PHF8: variants seen among roughly 807,000 people sequenced by gnomAD.
PHF8 encodes histone lysine demethylase PHF8.
A neutral mutation model predicts 74.4 loss-of-function variants in PHF8; 9 were observed. That is an observed-to-expected ratio of 0.12 (90% CI 0.07 to 0.21). PHF8 has a LOEUF of 0.21. PHF8 is among the 10% of genes least tolerant of loss of function. The pLI, the probability that PHF8 is intolerant of heterozygous loss-of-function variation, is 1.00. For missense variants in PHF8, 478 were observed against 816.6 expected (o/e 0.59, Z 5.05); for synonymous variants, 311 against 316.6 (o/e 0.98, Z 0.19).
In PHF8 at chrX:53,938,153, G is replaced by A. The variant is rs968141214; in HGVS notation, c.*1005C>T. On this transcript the variant is annotated 3_prime_UTR_variant, in exon 22 of 22. Coordinates refer to ENST00000338154, the MANE Select transcript of PHF8 (RefSeq NM_015107.3). ...GGAGAAAGAAGCATGAAAAGTTCCCGATGGAGGACCCAGGTGTGGGCCGTC... is the reference window on the plus strand; with the variant it reads ...GGAGAAAGAAGCATGAAAAGTTCCCAATGGAGGACCCAGGTGTGGGCCGTC... 8 of 1,127,165 alleles carry A rather than the reference G, an allele frequency of 7.1e-6. No homozygotes were observed. Among genetic ancestry groups the A allele is most frequent in the South Asian group, 2.1e-5 (1 of 46,634 alleles). The allele number at this position is 1,127,165 out of a possible 1,213,427, so 92.9% of individuals were successfully genotyped here.
At chrX:53,943,102 A>G in intron 20 of PHF8, 1 of 827,866 alleles carries the variant, frequency 1.2e-6, no homozygotes, top group Middle Eastern at 5.6e-4. Flanking sequence ...CTTAAAAGGC[A>G]CTAAGAGTAA....
chrX:54,032,612 C>T (rs1603342788), intron 2 of PHF8, among the ~76,000 whole-genome samples: 2 of 111,197 alleles, frequency 1.8e-5, no homozygotes, highest in South Asian at 7.6e-4. Context: ...TCCTGCTCAC[C>T]CTACTTTACT....
chrX:54,029,021 A>G (rs1175730056), intron 2 of PHF8, among the ~76,000 whole-genome samples: 2 of 112,332 alleles, frequency 1.8e-5, no homozygotes, highest in East Asian at 5.6e-4. Context: ...AAATATATAG[A>G]AAGTGTTTAG....
At position 53,989,913 on chromosome X, in the gene PHF8, T is replaced by C. The variant is rs1001047160; in HGVS notation, c.1731-1969A>G. On this transcript the variant is annotated intron_variant, in intron 14 of 21. Coordinates refer to ENST00000338154, the MANE Select transcript of PHF8 (RefSeq NM_015107.3). ...CTTAGTAAAATGGGGATACTACTAC[T>C]TACTTTTGGGGTTGTGAGGATTAAA... 2.1e-4 allele frequency among the ~76,000 whole-genome samples: 24 copies of C among 112,104 alleles called. 1 individual carries two copies. The highest frequency in any genetic ancestry group is 7.8e-4 in the African/African-American group (24 of 30,871).
At chrX:53,993,258 GA>G (rs2065696328) in intron 13 of PHF8, among the ~76,000 whole-genome samples, 1 of 111,424 alleles carries the variant, frequency 9.0e-6, no homozygotes, top group Non-Finnish European at 1.9e-5. Context: ...AAGAGCTCCT[GA>G]AAATCTTCCC....
At chrX:53,950,521 T>G (rs1603301194) in intron 19 of PHF8, among the ~76,000 whole-genome samples, 2 of 112,223 alleles carry the variant, frequency 1.8e-5, no homozygotes, top group East Asian at 5.6e-4. Context: ...GACTTTGAGG[T>G]GCTACACAAA....
chrX:53,978,275 C>G (rs1408049442), intron 18 of PHF8, among the ~76,000 whole-genome samples: 1 of 110,449 alleles, frequency 9.1e-6, no homozygotes, highest in African/African-American at 3.3e-5. Flanking sequence ...AAAACACCCA[C>G]TGCCCATACC....
chrX:54,020,926 C>A (rs2066159234), intron 4 of PHF8, among the ~76,000 whole-genome samples: 2 of 112,210 alleles, frequency 1.8e-5, no homozygotes, highest in Admixed American at 1.9e-4. Context: ...TTCGACCCAG[C>A]AATCCCATTA....
intron 2 of PHF8, among the ~76,000 whole-genome samples, chrX:54,027,746 T>C (rs1382746390): frequency 1.8e-5 from 2 of 111,106 alleles, no homozygotes; most frequent in Non-Finnish European, 3.8e-5. Flanking sequence ...TGACATTTAA[T>C]GAGCATCCGC....
chrX:53,969,335 TA>T (rs375604635), intron 18 of PHF8, among the ~76,000 whole-genome samples: 1 of 105,084 alleles, frequency 9.5e-6, no homozygotes. Context: ...GTGAATGATC[TA>T]AAAAAAAAAC....
chrX:54,005,320 T>C (rs2065881113), intron 8 of PHF8, among the ~76,000 whole-genome samples: 1 of 106,646 alleles, frequency 9.4e-6, no homozygotes, highest in Non-Finnish European at 1.9e-5. Context: ...ATACAAAAAT[T>C]AGCAGGGCAT....
chrX:53,970,849 G>T (rs1473153841), intron 18 of PHF8, among the ~76,000 whole-genome samples: 1 of 111,471 alleles, frequency 9.0e-6, no homozygotes, highest in Non-Finnish European at 1.9e-5. Context: ...CGTAAAGCAA[G>T]TTCGTAGAGA....
chrX:53,997,474 G>A (rs920789170), intron 11 of PHF8, among the ~76,000 whole-genome samples: 2 of 111,309 alleles, frequency 1.8e-5, no homozygotes, highest in African/African-American at 3.3e-5. Flanking sequence ...GTGGCTAGGC[G>A]GGGAGCTGAG....
At chrX:53,988,333 T>C (rs868964572) in intron 14 of PHF8, among the ~76,000 whole-genome samples, 14 of 111,847 alleles carry the variant, frequency 1.3e-4, no homozygotes, top group Middle Eastern at 9.3e-3. Context: ...GATGGTTTTT[T>C]TCAGTAGAAG....
intron 19 of PHF8, among the ~76,000 whole-genome samples, chrX:53,953,089 C>T (rs1200583715): frequency 2.8e-5 from 3 of 107,362 alleles, no homozygotes; most frequent in South Asian, 4.1e-4. Flanking sequence ...GTTTGGCCAA[C>T]ATGGTGAAAC....
At chrX:54,044,840 G>T, upstream of PHF8, 1 of 1,124,234 alleles carries the variant, frequency 8.9e-7, no homozygotes, top group Non-Finnish European at 1.2e-6. Flanking sequence ...GGCGGCGGGG[G>T]CGGGCTTCAG....
Position 54,022,771 on chromosome X carries a change from A to G in PHF8, c.171T>C (p.His57=), listed in dbSNP as rs1230871840. The G allele has an allele frequency of 8.5e-7, 1 of 1,170,202 alleles. No homozygotes were observed. Among genetic ancestry groups the G allele is most frequent in the Non-Finnish European group, 1.2e-6 (1 of 859,280 alleles). Residue 57 remains histidine, a synonymous_variant, in exon 3 of 22, where the codon CAT becomes CAC. Transcript: ENST00000338154. The stretch of plus-strand genomic sequence containing the variant: ...AGATCTACTTACTAATGGAGGGCCC[A>G]TGCAAGACTTCACAGTTGGGGCAGT... ...LYHCPNCEVL[H]GPSIMKKRRG...
chrX:53,948,228 T>C (rs1441491735), intron 19 of PHF8, among the ~76,000 whole-genome samples: 2 of 112,192 alleles, frequency 1.8e-5, no homozygotes, highest in African/African-American at 6.5e-5. Flanking sequence ...TAGGGAATTA[T>C]TACTAACTTT....
intron 19 of PHF8, among the ~76,000 whole-genome samples, chrX:53,948,400 G>A (rs1265371953): frequency 9.0e-6 from 1 of 111,089 alleles, no homozygotes; most frequent in Non-Finnish European, 1.9e-5. Flanking sequence ...AGCCTCCCAA[G>A]TAGCTGGGAT....
Sources: allele counts gnomAD v4.1 joint callset (sites outside exome capture counted in the v4.1 genomes callset), GRCh38; gene constraint gnomAD v4.1.1; transcripts MANE v1.5; gene names NCBI Gene and HGNC (gene_info 2026-07-23, HGNC 2026-07-21).